Variants in NOSIP observed in about 807,000 individuals in gnomAD.
NOSIP encodes nitric oxide synthase interacting protein, also known as nitric oxide synthase-interacting protein.
In NOSIP, 25 loss-of-function variants were observed where a neutral mutation model predicts 36.4. The ratio of observed to expected loss-of-function variants is 0.69; its 90% CI spans 0.50 to 0.96. The LOEUF (loss-of-function observed/expected upper bound fraction) is 0.96, where lower values mean the gene tolerates loss of function less well. NOSIP is among the 40% of genes least tolerant of loss of function. The probability of loss-of-function intolerance (pLI) is 0.00; values close to 1 mark genes in which losing one functional copy is unlikely to be tolerated. For synonymous variants in NOSIP, 187 were observed against 179.2 expected (o/e 1.04, Z -0.35); for missense variants, 370 against 429.0 (o/e 0.86, Z 1.21).
Position 49,558,934 on chromosome 19 carries a change from ATG to A in NOSIP, c.219_220del (p.Ile74SerfsTer67). On this transcript the variant is annotated frameshift_variant, in exon 4 of 9. Transcript: ENST00000596358. LOFTEE classifies it high-confidence loss of function. ...GGCAATCTCCTTCTTCTGGTGCAGA[ATG>A]TACTCCAGGATGGCCTCACGCTCAT... The A allele has an allele frequency of 6.2e-7, 1 of 1,614,098 alleles. No homozygotes were observed.
Position 49,557,152 on chromosome 19 carries a change from G to T in NOSIP, c.356C>A (p.Ser119Ter), listed in dbSNP as rs758056354. The change falls in exon 5 of 9, where the codon TCG (serine) becomes TAG (stop). Residue 119 changes from serine (S) to a stop codon, truncating the protein, a stop_gained. Transcript: ENST00000596358. LOFTEE classifies it high-confidence loss of function. ...DHVRGFLEKE[S>*]AIVSRPLNPF... is the part of the protein sequence containing the mutation. Reference sequence around the variant, plus strand: ...GTTGAGGGGCCGGCTCACGATAGCCGACTCCTTCTCCAGGAAGCCCCGCAC... The same window carrying T: ...GTTGAGGGGCCGGCTCACGATAGCCTACTCCTTCTCCAGGAAGCCCCGCAC... The T allele has an allele frequency of 2.5e-6, 4 of 1,612,140 alleles. No individual in the cohort carries two copies. Among genetic ancestry groups the T allele is most frequent in the East Asian group, 2.2e-5 (1 of 44,806 alleles).
chr19:49,574,027 TTTTTTTGTA>T (rs2080520826), intron 1 of NOSIP, among the ~76,000 whole-genome samples: 1 of 151,936 alleles, frequency 6.6e-6, no homozygotes, highest in Non-Finnish European at 1.5e-5. Flanking sequence ...GCCTAGATAC[TTTTTTTGTA>T]TTTTTAGTAG....
At chr19:49,574,516 C>T (rs2080526053) in intron 1 of NOSIP, among the ~76,000 whole-genome samples, 2 of 152,122 alleles carry the variant, frequency 1.3e-5, no homozygotes, top group Non-Finnish European at 1.5e-5. Flanking sequence ...ATGCGGTTTT[C>T]GATGGCTGCC....
chr19:49,561,420 A>T (rs1273067951), intron 1 of NOSIP, among the ~76,000 whole-genome samples: 1 of 152,176 alleles, frequency 6.6e-6, no homozygotes, highest in Non-Finnish European at 1.5e-5. Context: ...AAACCAGAAT[A>T]GTATAAGGAA....
At chr19:49,566,027 CTT>C (rs577090472) in intron 1 of NOSIP, among the ~76,000 whole-genome samples, 4 of 145,680 alleles carry the variant, frequency 2.7e-5, no homozygotes, top group Non-Finnish European at 1.5e-5. Context: ...TTTTCTTCTT[CTT>C]TTTTTTTTTT....
Position 49,560,820 on chromosome 19 carries a change from G to A in NOSIP, c.-1-128C>T. Reference sequence around the variant, plus strand: ...AGCGGAGGCGGAGAAGGGGGGTGAGGTGGAAGAGAGGGAGGGCATGTGGTC... The same window carrying A: ...AGCGGAGGCGGAGAAGGGGGGTGAGATGGAAGAGAGGGAGGGCATGTGGTC... On this transcript the variant is annotated intron_variant, in intron 1 of 8. Transcript: ENST00000596358. The surrounding 1 kb of genome is among the most constrained non-coding windows in gnomAD (Gnocchi z 4.6). The A allele has an allele frequency of 1.4e-6, 1 of 730,500 alleles. No individual in the cohort carries two copies. 45.3% of individuals were successfully genotyped at this position (730,500 alleles called of 1,614,324 possible). A position where few individuals can be genotyped will look rare whatever the true frequency, so the allele number is the denominator to read the frequency against.
chr19:49,577,804 C>T (rs1179289710), intron 1 of NOSIP, among the ~76,000 whole-genome samples: 1 of 148,110 alleles, frequency 6.8e-6, no homozygotes, highest in Non-Finnish European at 1.5e-5. Flanking sequence ...ATACATGCCA[C>T]AACATAGGTG....
In NOSIP at chr19:49,557,208, C is replaced by G. The variant is rs768749037; in HGVS notation, c.300G>C (p.Lys100Asn). The G allele has an allele frequency of 6.2e-7, 1 of 1,602,958 alleles. No homozygotes were observed. Among genetic ancestry groups the G allele is most frequent in the Non-Finnish European group, 8.5e-7 (1 of 1,175,414 alleles). Residue 100 changes from lysine to asparagine, a missense_variant, in exon 5 of 9, where the codon AAG (lysine) becomes AAC (asparagine). Around this residue, in one of 3 missense-constraint regions of NOSIP, gnomAD observed 315 missense variants for 331.9 expected, o/e 0.95. Transcript: ENST00000596358. ...CCTGCGAGGCCGCCCGCTGAAGCTC[C>G]TTCTGCTCCTCGCGCCGGGTGCCCC... ...KQRGTRREEQ[K>N]ELQRAASQDH...
At chr19:49,573,432 C>T (rs1211512656) in intron 1 of NOSIP, among the ~76,000 whole-genome samples, 3 of 152,146 alleles carry the variant, frequency 2.0e-5, no homozygotes, top group African/African-American at 4.8e-5. Context: ...CTCGGTATTT[C>T]GGCTCCAGAG....
intron 3 of NOSIP, chr19:49,559,370 C>T (rs1169842902): frequency 1.0e-5 from 2 of 197,566 alleles, no homozygotes; most frequent in South Asian, 8.7e-5. Flanking sequence ...CAAACAAAAA[C>T]GCCAGGTGTG....
chr19:49,556,442 G>C lies in NOSIP; in HGVS notation c.726-17C>G, dbSNP rs886201820. Reference sequence around the variant, plus strand: ...ACAGCCCCACTACGGTGAGGCCGAAGGCGGGAGACTCTGATCAGGGGCCTT... The same window carrying C: ...ACAGCCCCACTACGGTGAGGCCGAACGCGGGAGACTCTGATCAGGGGCCTT... On this transcript the variant is annotated splice_polypyrimidine_tract_variant and intron_variant, in intron 7 of 8. Coordinates refer to ENST00000596358, the MANE Select transcript of NOSIP (RefSeq NM_001270960.2). The C allele has an allele frequency of 1.2e-6, 2 of 1,612,032 alleles. No individual in the cohort carries two copies. The highest frequency in any genetic ancestry group is 2.7e-5 in the African/African-American group (2 of 74,858).
chr19:49,567,914 G>C (rs879787866), intron 1 of NOSIP, among the ~76,000 whole-genome samples: 4 of 151,912 alleles, frequency 2.6e-5, no homozygotes, highest in Admixed American at 2.6e-4. Flanking sequence ...CTGACCTCAG[G>C]TAATCTGGCC....
rs768439156 is a variant in NOSIP, at chr19:49,560,960, G to C, written c.-1-268C>G. On this transcript the variant is annotated intron_variant, in intron 1 of 8. Coordinates refer to ENST00000596358, the MANE Select transcript of NOSIP (RefSeq NM_001270960.2). The surrounding 1 kb of genome is among the most constrained non-coding windows in gnomAD (Gnocchi z 4.6). ...TTGGAGGTAAGAGGGTGAGAGACCA[G>C]AGTTCAAATTCTAGCCACTACTTCA... Among the ~76,000 whole-genome samples the C allele has an allele frequency of 2.6e-5, 4 of 152,176 alleles. No homozygotes were observed. The highest frequency in any genetic ancestry group is 4.4e-5 in the Non-Finnish European group (3 of 68,034).
chr19:49,580,135 GAGTTCTCCCTC>G, intron 1 of NOSIP, among the ~76,000 whole-genome samples: 1 of 151,050 alleles, frequency 6.6e-6, no homozygotes, highest in Non-Finnish European at 1.5e-5. Flanking sequence ...GCCAGGAAAG[GAGTTCTCCCTC>G]CTCAACTCCC....
intron 1 of NOSIP, among the ~76,000 whole-genome samples, chr19:49,563,750 C>A (rs2080366713): frequency 6.6e-6 from 1 of 152,116 alleles, no homozygotes; most frequent in Admixed American, 6.6e-5. Flanking sequence ...CCGCCTCGGC[C>A]TCCCAAAGTG....
intron 1 of NOSIP, among the ~76,000 whole-genome samples, chr19:49,573,388 C>G: frequency 6.6e-6 from 1 of 152,198 alleles, no homozygotes; most frequent in Non-Finnish European, 1.5e-5. Context: ...TTGCACTTGA[C>G]CGTGCCCTGA....
At chr19:49,572,268 G>C (rs1000145770) in intron 1 of NOSIP, among the ~76,000 whole-genome samples, 1 of 151,192 alleles carries the variant, frequency 6.6e-6, no homozygotes, top group Non-Finnish European at 1.5e-5. Flanking sequence ...ACCATGCCTG[G>C]CTAATTTTTT....
At chr19:49,579,521 T>C (rs1211399787) in intron 1 of NOSIP, among the ~76,000 whole-genome samples, 1 of 152,222 alleles carries the variant, frequency 6.6e-6, no homozygotes, top group Non-Finnish European at 1.5e-5. Flanking sequence ...AACCTTTAAC[T>C]TAGAAATTTA....
At position 49,555,616 on chromosome 19, in the gene NOSIP, C is replaced by A; in HGVS notation, c.*135G>T. 1.5e-6 allele frequency: 1 copy of A among 684,944 alleles called. No individual in the cohort carries two copies. The allele number at this position is 684,944 out of a possible 1,614,324, so 42.4% of individuals were successfully genotyped here. On this transcript the variant is annotated 3_prime_UTR_variant, in exon 9 of 9. Transcript: ENST00000596358. ...TATGCTTAGCCCGCTCTTTCAAACT[C>A]CAGCGTGCGCTGTAGGAGCACTGTT...
Sources: gnomAD v4.1 joint callset for allele counts (sites outside exome capture counted in the v4.1 genomes callset) on GRCh38, gnomAD v4.1.1 for gene constraint, gnomAD v4.1.1 regional missense constraint, Gnocchi (gnomAD v3.1) non-coding constraint, MANE v1.5 for transcripts, NCBI Gene and HGNC (gene_info 2026-07-23, HGNC 2026-07-21) for gene names.